The following CAD variants were observed in gnomAD, a reference collection of about 807,000 sequenced individuals.
CAD encodes multifunctional protein CAD.
CAD carries 81 observed loss-of-function variants against 237.2 expected under a neutral mutation model. The observed-to-expected ratio is 0.34, with a 90% CI of 0.29 to 0.41. CAD has a LOEUF of 0.41. Among genes scored for constraint, CAD ranks in the 10% least tolerant of loss-of-function variants. The pLI, the probability that CAD is intolerant of heterozygous loss-of-function variation, is 1.00. For synonymous variants in CAD, 1,196 were observed against 1,162.8 expected, an observed-to-expected ratio of 1.03 and a Z score of -0.58; for missense variants, 2,181 against 2,951.7, an observed-to-expected ratio of 0.74 and a Z score of 6.05.
Position 27,242,179 on chromosome 2 carries a change from A to G in CAD, c.6096+56A>G, listed in dbSNP as rs1676352434. ...TAAGAAGGCTGGACCCAGGGGCATG[A>G]GAACCCTTCTGCCCACGTTTTCTGT... On this transcript the variant is annotated intron_variant, in intron 39 of 43. Transcript: ENST00000264705. This position sits in a 1 kb window ranked among gnomAD's most constrained non-coding sequence, Gnocchi z 6.4. The G allele has an allele frequency of 6.9e-6, 11 of 1,596,932 alleles. No homozygotes were observed. The East Asian group carries it at 2.5e-4, about 36-fold the overall frequency.
rs773735060 is a variant in CAD, at chr2:27,223,971, C to T, written c.1050C>T (p.Phe350=). 3.4e-5 allele frequency: 55 copies of T among 1,613,972 alleles called. No individual in the cohort carries two copies. Among genetic ancestry groups the T allele is most frequent in the Admixed American group, 2.2e-4 (13 of 60,004 alleles). ...GCCCTTCAGATATGGAACTGCTTTT[C>T]GATATCTTTCTGGAAACTGTGAAAG... ...QAGPSDMELL[F]DIFLETVKEA... Residue 350 remains phenylalanine, a synonymous_variant, in exon 8 of 44, where the codon TTC becomes TTT. Transcript: ENST00000264705.
In CAD at chr2:27,241,134, G is replaced by T. The variant is rs759115146; in HGVS notation, c.5715G>T (p.Gly1905=). ...GACAGGCATCTCCCCAGAACCTGGG[G>T]ACCCCTGGCTTGCTGCACCCCCAGA... ...VPRQASPQNL[G]TPGLLHPQTS... Residue 1905 remains glycine, a synonymous_variant, in exon 37 of 44, where the codon GGG becomes GGT. Coordinates refer to ENST00000264705, the MANE Select transcript of CAD (RefSeq NM_004341.5). This position sits in a 1 kb window ranked among gnomAD's most constrained non-coding sequence, Gnocchi z 4.6. 1.2e-6 allele frequency: 2 copies of T among 1,611,090 alleles called. No homozygotes were observed. Among genetic ancestry groups the T allele is most frequent in the African/African-American group, 1.3e-5 (1 of 74,586 alleles).
intron 7 of CAD, 83 bp from the exon 8 acceptor site, chr2:27,223,834 T>G (rs1675299383): frequency 1.3e-6 from 2 of 1,548,624 alleles, no homozygotes; most frequent in Admixed American, 3.4e-5. Flanking sequence ...TGGATCCGAG[T>G]CCCCTGTCCC....
At chr2:27,231,921 C>A in intron 16 of CAD, 59 bp from the exon 17 acceptor site, 1 of 1,603,930 alleles carries the variant, frequency 6.2e-7, no homozygotes. Flanking sequence ...CAGCTACTTA[C>A]GCTCAGGCTT....
At chr2:27,222,777 C>A (rs1037360783) in intron 5 of CAD, 89 bp from the exon 6 acceptor site, 45 of 1,572,808 alleles carry the variant, frequency 2.9e-5, no homozygotes, top group Non-Finnish European at 2.6e-5. Context: ...GACATTGGGA[C>A]TTAACACTCT....
At chr2:27,226,759 A>C in intron 14 of CAD, 73 bp from the exon 15 acceptor site, 2 of 1,603,918 alleles carry the variant, frequency 1.2e-6, no homozygotes, top group Non-Finnish European at 1.7e-6. Flanking sequence ...GTGGGAATGG[A>C]AAGAGCTATC....
rs772489339 is a variant in CAD at position 27,226,140 on chromosome 2, A to G, written c.1852A>G (p.Met618Val). 4.5e-5 allele frequency: 72 copies of G among 1,613,936 alleles called. No homozygotes were observed. The highest frequency in any genetic ancestry group is 1.2e-4 in the South Asian group (11 of 91,084). ...AYGNCVTVCN[M>V]ENLDPLGIHT... Reference sequence around the variant, plus strand: ...GCACCCCCCTTCACAGGTGTGTAACATGGAGAACTTGGACCCACTGGGCAT... The same window carrying G: ...GCACCCCCCTTCACAGGTGTGTAACGTGGAGAACTTGGACCCACTGGGCAT... Residue 618 changes from methionine to valine, a missense_variant, in exon 13 of 44, where the codon ATG becomes GTG. By Grantham distance (21) the Met-to-Val change is conservative (BLOSUM62 1). Coordinates refer to ENST00000264705, the MANE Select transcript of CAD (RefSeq NM_004341.5).
rs768243455 is a variant in CAD at position 27,243,278 on chromosome 2, T to A, written c.6561T>A (p.Arg2187=). Residue 2187 remains arginine (R), a synonymous_variant, in exon 43 of 44, where the codon CGT becomes CGA. Transcript: ENST00000264705. ...KKMVVMHPMP[R]VNEISVEVDS... Reference sequence around the variant, plus strand: ...TGGTGGTGATGCACCCGATGCCCCGTGTCAACGAGATAAGGTGGTGCAGCA... The same window carrying A: ...TGGTGGTGATGCACCCGATGCCCCGAGTCAACGAGATAAGGTGGTGCAGCA... 5 of 1,613,620 alleles carry A rather than the reference T, an allele frequency of 3.1e-6. No individual in the cohort carries two copies. The highest frequency in any genetic ancestry group is 2.7e-5 in the African/African-American group (2 of 74,750).
intron 15 of CAD, among the ~76,000 whole-genome samples, chr2:27,230,639 C>T (rs888921050): frequency 4.6e-5 from 7 of 151,914 alleles, no homozygotes; most frequent in African/African-American, 1.5e-4. Flanking sequence ...AAAAAAAAAC[C>T]TATGAACCTA....
intron 15 of CAD, among the ~76,000 whole-genome samples, chr2:27,229,160 C>T (rs368191867): frequency 4.0e-5 from 6 of 151,092 alleles, no homozygotes; most frequent in Admixed American, 6.6e-5. Context: ...CCTCGTGATC[C>T]GCCTGCCTCG....
Position 27,235,160 on chromosome 2 carries a change from G to A in CAD, c.3787-85G>A. The A allele has an allele frequency of 7.8e-7, 1 of 1,280,102 alleles. No homozygotes were observed. Among genetic ancestry groups the A allele is most frequent in the Non-Finnish European group, 1.1e-6 (1 of 926,624 alleles). The allele number at this position is 1,280,102 out of a possible 1,614,324, so 79.3% of individuals were successfully genotyped here. Reference sequence around the variant, plus strand: ...GACCCTGCCATTCAGATGGGATCAAGCACAGGGTACTGTGTCCGTCTCTGC... The same window carrying A: ...GACCCTGCCATTCAGATGGGATCAAACACAGGGTACTGTGTCCGTCTCTGC... On this transcript the variant is annotated intron_variant, in intron 23 of 43. Coordinates refer to ENST00000264705, the MANE Select transcript of CAD (RefSeq NM_004341.5). The surrounding 1 kb of genome is among the most constrained non-coding windows in gnomAD (Gnocchi z 5.2).
chr2:27,232,838 C>A lies in CAD; in HGVS notation c.2892+144C>A. 1.0e-6 allele frequency: 1 copy of A among 1,002,412 alleles called. No individual in the cohort carries two copies. Among genetic ancestry groups the A allele is most frequent in the Non-Finnish European group, 1.5e-6 (1 of 660,580 alleles). 62.1% of individuals were successfully genotyped at this position (1,002,412 alleles called of 1,614,324 possible). ...TGGGGTGGGGGTCCTTTTAGGCCAT[C>A]TCTCATGCCCCACACGGTATATGAA... On this transcript the variant is annotated intron_variant, in intron 18 of 43. Coordinates refer to ENST00000264705, the MANE Select transcript of CAD (RefSeq NM_004341.5). This position sits in a 1 kb window ranked among gnomAD's most constrained non-coding sequence, Gnocchi z 4.1.
Position 27,225,851 on chromosome 2 carries a change from A to T in CAD, c.1767A>T (p.Leu589=), listed in dbSNP as rs775449243. ...CTTTTGCCCATACCAGCCAAGTGCT[A>T]GTAGACAAGTCTCTGAAGGGATGGA... ...APAFAHTSQV[L]VDKSLKGWKE... The change falls in exon 12 of 44, where the codon CTA becomes CTT. Residue 589 remains leucine (L), a synonymous_variant. Coordinates refer to ENST00000264705, the MANE Select transcript of CAD (RefSeq NM_004341.5). 3 of 1,614,210 alleles carry T rather than the reference A, an allele frequency of 1.9e-6. No individual in the cohort carries two copies. Among genetic ancestry groups the T allele is most frequent in the Non-Finnish European group, 2.5e-6 (3 of 1,180,022 alleles).
At position 27,239,020 on chromosome 2, in the gene CAD, G is replaced by C. The variant is rs779599231; in HGVS notation, c.5063-22G>C. ...GACATGGAGGTGATTGGTCCTGAGGGTAATGGCTTTCTTTCTCCCAGCTCC... is the reference window on the plus strand; with the variant it reads ...GACATGGAGGTGATTGGTCCTGAGGCTAATGGCTTTCTTTCTCCCAGCTCC... On this transcript the variant is annotated intron_variant, in intron 31 of 43. Transcript: ENST00000264705. The surrounding 1 kb of genome is among the most constrained non-coding windows in gnomAD (Gnocchi z 4.0). 6.5e-7 allele frequency: 1 copy of C among 1,536,470 alleles called. No individual in the cohort carries two copies. The highest frequency in any genetic ancestry group is 1.3e-5 in the South Asian group (1 of 77,230).
chr2:27,228,997 C>T (rs1349793840), intron 15 of CAD, among the ~76,000 whole-genome samples: 5 of 149,346 alleles, frequency 3.3e-5, no homozygotes, highest in Non-Finnish European at 7.4e-5. Flanking sequence ...CGGCTCACTG[C>T]AACCTCTGCC....
chr2:27,220,373 C>T (rs1251286570), intron 2 of CAD, among the ~76,000 whole-genome samples: 5 of 152,034 alleles, frequency 3.3e-5, no homozygotes, highest in African/African-American at 4.8e-5. Flanking sequence ...AGAGGCGGGG[C>T]GCGGTAGCTC....
rs1205690756 is a variant in CAD, at chr2:27,217,504, G to T, written c.-48G>T. Reference sequence around the variant, plus strand: ...TCACGTGGTTCCAGTGGAGTTTGCAGTCCTTCCCGCTTCTCCGTACTCGCC... The same window carrying T: ...TCACGTGGTTCCAGTGGAGTTTGCATTCCTTCCCGCTTCTCCGTACTCGCC... On this transcript the variant is annotated 5_prime_UTR_variant, in exon 1 of 44. Coordinates refer to ENST00000264705, the MANE Select transcript of CAD (RefSeq NM_004341.5). The T allele has an allele frequency of 6.7e-7, 1 of 1,496,258 alleles. No individual in the cohort carries two copies. Among genetic ancestry groups the T allele is most frequent in the South Asian group, 1.2e-5 (1 of 83,816 alleles). 92.7% of individuals were successfully genotyped at this position (1,496,258 alleles called of 1,614,324 possible). A position where few individuals can be genotyped will look rare whatever the true frequency, so the allele number is the denominator to read the frequency against.
At position 27,242,173 on chromosome 2, in the gene CAD, G is replaced by A. The variant is rs559393942; in HGVS notation, c.6096+50G>A. On this transcript the variant is annotated intron_variant, in intron 39 of 43. Coordinates refer to ENST00000264705, the MANE Select transcript of CAD (RefSeq NM_004341.5). The surrounding 1 kb of genome is among the most constrained non-coding windows in gnomAD (Gnocchi z 6.4). ...TGGGGTTAAGAAGGCTGGACCCAGG[G>A]GCATGAGAACCCTTCTGCCCACGTT... 7 of 1,599,070 alleles carry A rather than the reference G, an allele frequency of 4.4e-6. No homozygotes were observed. The highest frequency in any genetic ancestry group is 1.7e-5 in the Admixed American group (1 of 59,744).
chr2:27,218,578 C>T (rs1256262127), intron 2 of CAD, among the ~76,000 whole-genome samples: 2 of 152,084 alleles, frequency 1.3e-5, no homozygotes, highest in African/African-American at 4.8e-5. Context: ...TGCCAGTTTA[C>T]CTACAAAACC....
Sources: allele counts gnomAD v4.1 joint callset (sites outside exome capture counted in the v4.1 genomes callset), GRCh38; gene constraint gnomAD v4.1.1; non-coding constraint Gnocchi (gnomAD v3.1); transcripts MANE v1.5; gene names NCBI Gene and HGNC (gene_info 2026-07-23, HGNC 2026-07-21).